The following COLEC12 variants were observed in gnomAD, a reference collection of about 807,000 sequenced individuals.
COLEC12 encodes collectin subfamily member 12.
Under a neutral mutation model 71.1 loss-of-function variants are expected in COLEC12, and 33 were observed. That is an observed-to-expected ratio of 0.46 (90% CI 0.35 to 0.62). The LOEUF is 0.62. Ranked by LOEUF, COLEC12 falls within the 20% of genes least tolerant of loss-of-function variation. COLEC12 has a pLI of 0.00. For synonymous variants in COLEC12, 350 were observed against 353.0 expected, an observed-to-expected ratio of 0.99 and a Z score of 0.10; for missense variants, 765 against 916.1, an observed-to-expected ratio of 0.84 and a Z score of 2.13.
chr18:352,706 G>C (rs1914550677), intron 3 of COLEC12, among the ~76,000 whole-genome samples: 3 of 152,180 alleles, frequency 2.0e-5, no homozygotes, highest in Admixed American at 2.0e-4. Context: ...ATACCAGACT[G>C]GTGGAGATCC....
chr18:362,772 T>A lies in COLEC12; in HGVS notation c.59-5250A>T, dbSNP rs1914774756. Among the ~76,000 whole-genome samples, 1 of 152,198 alleles carries A rather than the reference T, an allele frequency of 6.6e-6. No homozygotes were observed. Among genetic ancestry groups the A allele is most frequent in the Admixed American group, 6.5e-5 (1 of 15,286 alleles). On this transcript the variant is annotated intron_variant, in intron 2 of 9. Transcript: ENST00000400256. This position sits in a 1 kb window ranked among gnomAD's most constrained non-coding sequence, Gnocchi z 4.6. ...AGGCAGCAAGGACCTGAAGGGTGCA[T>A]GCCTTTCCGCTGCTTTTCCCTCTTG... is the stretch of plus-strand genomic sequence containing the variant.
intron 2 of COLEC12, among the ~76,000 whole-genome samples, chr18:457,369 T>G (rs995414357): frequency 6.6e-6 from 1 of 152,146 alleles, no homozygotes; most frequent in Non-Finnish European, 1.5e-5. Flanking sequence ...ATCAGCACAC[T>G]CTGGATTTAA....
chr18:478,715 A>G (rs1370889099), intron 2 of COLEC12, among the ~76,000 whole-genome samples: 4 of 152,226 alleles, frequency 2.6e-5, no homozygotes, highest in Non-Finnish European at 5.9e-5. Flanking sequence ...CCTTGCCTAG[A>G]GGCTGAATCC....
intron 8 of COLEC12, 70 bp from the exon 9 acceptor site, chr18:321,877 A>G: frequency 6.8e-7 from 1 of 1,474,504 alleles, no homozygotes; most frequent in Non-Finnish European, 9.2e-7. Context: ...CAAGAGCAGC[A>G]GAGAATATAA....
At chr18:373,508 T>C (rs1004324558) in intron 2 of COLEC12, among the ~76,000 whole-genome samples, 2 of 152,224 alleles carry the variant, frequency 1.3e-5, no homozygotes, top group Non-Finnish European at 2.9e-5. Flanking sequence ...GAACCTGATA[T>C]CAAAATCCAC....
chr18:431,608 C>T (rs1294033109), intron 2 of COLEC12, among the ~76,000 whole-genome samples: 1 of 152,190 alleles, frequency 6.6e-6, no homozygotes, highest in Admixed American at 6.5e-5. Context: ...GAGGAGCACA[C>T]TGGAAGCAAG....
intron 2 of COLEC12, among the ~76,000 whole-genome samples, chr18:375,266 G>A (rs1012003011): frequency 6.6e-6 from 1 of 152,178 alleles, no homozygotes; most frequent in Non-Finnish European, 1.5e-5. Flanking sequence ...AGCCATGCTG[G>A]CCTCCTCACC....
At position 500,412 on chromosome 18, in the gene COLEC12, A is replaced by G; in HGVS notation, c.7+96T>C. ...CCCGACTCCCCGGGCCCGCAGCCCA[A>G]GGGAAGGTTCGCGCGGGAGGCACCT... On this transcript the variant is annotated intron_variant, in intron 1 of 9. Transcript: ENST00000400256. The surrounding 1 kb of genome is among the most constrained non-coding windows in gnomAD (Gnocchi z 5.3). 1 of 700,234 alleles carries G rather than the reference A, an allele frequency of 1.4e-6. No individual in the cohort carries two copies. The highest frequency in any genetic ancestry group is 1.8e-6 in the Non-Finnish European group (1 of 564,496). The allele number at this position is 700,234 out of a possible 1,614,324, so 43.4% of individuals were successfully genotyped here. A position where few individuals can be genotyped will look rare whatever the true frequency, so the allele number is the denominator to read the frequency against.
intron 2 of COLEC12, among the ~76,000 whole-genome samples, chr18:433,764 G>C (rs1328373443): frequency 6.6e-6 from 1 of 152,102 alleles, no homozygotes; most frequent in African/African-American, 2.4e-5. Context: ...AGGAGTTCGA[G>C]ACCAGCCTGG....
intron 2 of COLEC12, among the ~76,000 whole-genome samples, chr18:473,487 C>T (rs1437408483): frequency 1.1e-5 from 1 of 89,980 alleles, no homozygotes; most frequent in Non-Finnish European, 2.4e-5. Context: ...CTCAGCCTCC[C>T]CGAGAAGCTG....
chr18:332,457 T>G (rs1428260730), intron 7 of COLEC12, among the ~76,000 whole-genome samples: 1 of 152,212 alleles, frequency 6.6e-6, no homozygotes, highest in African/African-American at 2.4e-5. Context: ...TTGCCGGGCC[T>G]CAGTTTTCCT....
chr18:498,431 C>G (rs976383643), intron 1 of COLEC12, among the ~76,000 whole-genome samples: 5 of 148,770 alleles, frequency 3.4e-5, no homozygotes, highest in Non-Finnish European at 7.4e-5. Context: ...TCGATCTCGG[C>G]TCACTGCAAC....
At chr18:359,561 A>ACATTCTTG (rs1231899940) in intron 2 of COLEC12, among the ~76,000 whole-genome samples, 2 of 152,320 alleles carry the variant, frequency 1.3e-5, no homozygotes, top group East Asian at 3.9e-4. Flanking sequence ...TTTTTGAAAA[A>ACATTCTTG]CATTCTTGTC....
Position 500,426 on chromosome 18 carries a change from C to CG in COLEC12, c.7+81dup. Reference sequence around the variant, plus strand: ...CCCGCAGCCCAAGGGAAGGTTCGCGCGGGAGGCACCTCCGTGGCCTCCCGC... The same window carrying CG: ...CCCGCAGCCCAAGGGAAGGTTCGCGCGGGGAGGCACCTCCGTGGCCTCCCGC... On this transcript the variant is annotated intron_variant, in intron 1 of 9. Transcript: ENST00000400256. This position sits in a 1 kb window ranked among gnomAD's most constrained non-coding sequence, Gnocchi z 5.3. The CG allele has an allele frequency of 1.3e-6, 1 of 768,830 alleles. No homozygotes were observed. The highest frequency in any genetic ancestry group is 1.1e-4 in the East Asian group (1 of 8,812). The allele number at this position is 768,830 out of a possible 1,614,324, so 47.6% of individuals were successfully genotyped here.
intron 2 of COLEC12, among the ~76,000 whole-genome samples, chr18:409,522 T>C (rs1016899195): frequency 1.7e-4 from 26 of 152,172 alleles, no homozygotes; most frequent in African/African-American, 6.0e-4. Context: ...CAAAGCTCTG[T>C]CTCAAAAAAA....
chr18:443,164 T>C (rs1255031508), intron 2 of COLEC12, among the ~76,000 whole-genome samples: 1 of 152,248 alleles, frequency 6.6e-6, no homozygotes, highest in Non-Finnish European at 1.5e-5. Context: ...TGTATGTATA[T>C]ATTCTCTTTC....
At chr18:421,838 G>A (rs1222334399) in intron 2 of COLEC12, among the ~76,000 whole-genome samples, 1 of 152,290 alleles carries the variant, frequency 6.6e-6, no homozygotes, top group Middle Eastern at 3.4e-3. Flanking sequence ...TTAGTTCCTC[G>A]ATGAGAAGCC....
At chr18:428,822 C>T (rs1227695746) in intron 2 of COLEC12, among the ~76,000 whole-genome samples, 4 of 152,034 alleles carry the variant, frequency 2.6e-5, no homozygotes, top group Non-Finnish European at 4.4e-5. Context: ...CCTTTGGATT[C>T]AATTACATCA....
intron 2 of COLEC12, among the ~76,000 whole-genome samples, chr18:427,082 T>C (rs914539199): frequency 2.6e-5 from 4 of 152,206 alleles, no homozygotes; most frequent in Non-Finnish European, 5.9e-5. Context: ...ATTCCACTGA[T>C]AGGCAATTTG....
Sources: gnomAD v4.1 joint callset for allele counts (sites outside exome capture counted in the v4.1 genomes callset) on GRCh38, gnomAD v4.1.1 for gene constraint, Gnocchi (gnomAD v3.1) non-coding constraint, MANE v1.5 for transcripts, NCBI Gene and HGNC (gene_info 2026-07-23, HGNC 2026-07-21) for gene names.